Variants in XIRP2 observed in about 807,000 individuals in gnomAD.
XIRP2 encodes the protein xin actin binding repeat containing 2.
In XIRP2, 236 loss-of-function variants were observed where a neutral mutation model predicts 277.0. The observed-to-expected ratio is 0.85, with a 90% confidence interval of 0.77 to 0.95. The LOEUF (loss-of-function observed/expected upper bound fraction) is 0.95, where lower values mean the gene tolerates loss of function less well. XIRP2 is among the 40% of genes least tolerant of loss of function. The pLI is 0.00. For missense variants in XIRP2, 4,640 were observed against 4,157.5 expected (o/e 1.12, Z -3.19); for synonymous variants, 1,490 against 1,416.5 (o/e 1.05, Z -1.17).
At chr2:166,961,018 G>T (rs967961006) in intron 2 of XIRP2, among the ~76,000 whole-genome samples, 1 of 151,712 alleles carries the variant, frequency 6.6e-6, no homozygotes, top group Non-Finnish European at 1.5e-5. Context: ...AGCATAACAT[G>T]AATATGAAGA....
chr2:167,251,216 A>G lies in XIRP2; in HGVS notation c.9824A>G (p.Asp3275Gly), dbSNP rs200240974. Reference sequence around the variant, plus strand: ...AAGAGAGCTACTTATGTTCATAAAGATGGACTAAATTCCACTGATCACATG... The same window carrying G: ...AAGAGAGCTACTTATGTTCATAAAGGTGGACTAAATTCCACTGATCACATG... Reference protein sequence around the residue: ...VEKRATYVHKDGLNSTDHMVP... With the variant: ...VEKRATYVHKGGLNSTDHMVP... Residue 3275 changes from aspartate to glycine, a missense_variant, in exon 9 of 11, where the codon GAT (aspartate) becomes GGT (glycine). Physicochemically the swap from Asp to Gly is moderately conservative, Grantham distance 94. Coordinates refer to ENST00000409195, the MANE Select transcript of XIRP2 (RefSeq NM_152381.6). The G allele has an allele frequency of 5.8e-5, 94 of 1,613,488 alleles. No homozygotes were observed. Among genetic ancestry groups the G allele is most frequent in the Non-Finnish European group, 1.5e-5 (18 of 1,179,734 alleles).
chr2:166,975,622 A>G (rs569594418), intron 2 of XIRP2, among the ~76,000 whole-genome samples: 1 of 152,256 alleles, frequency 6.6e-6, no homozygotes, highest in African/African-American at 2.4e-5. Flanking sequence ...CATAGGTATA[A>G]ATATTTAAAA....
intron 3 of XIRP2, among the ~76,000 whole-genome samples, chr2:167,181,173 G>C (rs1290849062): frequency 6.6e-6 from 1 of 152,226 alleles, no homozygotes; most frequent in Admixed American, 6.5e-5. Context: ...TGGGGTAGGG[G>C]TGTAGCAGAG....
At chr2:166,895,947 G>A (rs1380622523) in intron 1 of XIRP2, among the ~76,000 whole-genome samples, 1 of 152,128 alleles carries the variant, frequency 6.6e-6, no homozygotes, top group East Asian at 1.9e-4. Context: ...ACAGAGGCTT[G>A]CCTTTTACAA....
chr2:166,996,834 A>T (rs1405454419), intron 2 of XIRP2, among the ~76,000 whole-genome samples: 1 of 152,004 alleles, frequency 6.6e-6, no homozygotes, highest in African/African-American at 2.4e-5. Context: ...TTAGGAACTC[A>T]CTCAATCTTC....
At chr2:167,164,313 GC>G (rs1460932949) in intron 3 of XIRP2, among the ~76,000 whole-genome samples, 1 of 151,634 alleles carries the variant, frequency 6.6e-6, no homozygotes, top group Non-Finnish European at 1.5e-5. Flanking sequence ...GGGCGTGTTA[GC>G]CGGCGCCTGT....
Position 166,895,242 on chromosome 2 carries a change from C to G in XIRP2, c.-19+6685C>G, listed in dbSNP as rs1558906530. ...TGCAAAACATTTTTATTAAAATGTC[C>G]ACATTGGTTGTATTATGCCCTGATG... On this transcript the variant is annotated intron_variant, in intron 1 of 10. Coordinates refer to ENST00000409195, the MANE Select transcript of XIRP2 (RefSeq NM_152381.6). 2.6e-5 allele frequency among the ~76,000 whole-genome samples: 4 copies of G among 152,102 alleles called. No individual in the cohort carries two copies. In the South Asian group the frequency reaches 8.3e-4, roughly 31 times the overall value.
chr2:167,104,999 T>C (rs1013784256), intron 2 of XIRP2, among the ~76,000 whole-genome samples: 1 of 152,052 alleles, frequency 6.6e-6, no homozygotes, highest in Non-Finnish European at 1.5e-5. Flanking sequence ...TCAGCTAATT[T>C]GATATATGAA....
chr2:167,199,199 T>C (rs1216727008), intron 3 of XIRP2, among the ~76,000 whole-genome samples: 1 of 152,120 alleles, frequency 6.6e-6, no homozygotes, highest in African/African-American at 2.4e-5. Context: ...AGAGAGGAAA[T>C]TCCTAAAACA....
intron 2 of XIRP2, among the ~76,000 whole-genome samples, chr2:167,004,072 A>T (rs562834874): frequency 2.0e-5 from 3 of 152,016 alleles, no homozygotes; most frequent in African/African-American, 7.2e-5. Flanking sequence ...CAAAGATTAT[A>T]TAAGAAAGAG....
At chr2:167,016,294 A>T (rs921295102) in intron 2 of XIRP2, among the ~76,000 whole-genome samples, 15 of 151,822 alleles carry the variant, frequency 9.9e-5, no homozygotes, top group Non-Finnish European at 4.4e-5. Flanking sequence ...AGTCAGTTTC[A>T]TTAGGTAAAG....
In XIRP2 at chr2:167,245,248, G is replaced by A. The variant is rs779191855; in HGVS notation, c.3856G>A (p.Glu1286Lys). Residue 1286 changes from glutamate to lysine, a missense_variant, in exon 9 of 11, where the codon GAG (glutamate) becomes AAG (lysine). By Grantham distance (56) the Glu-to-Lys change is moderately conservative. Coordinates refer to ENST00000409195, the MANE Select transcript of XIRP2 (RefSeq NM_152381.6). ...CFIFETFSLD[E>K]IKEESDYIST... The stretch of plus-strand genomic sequence containing the variant: ...TATTTTTGAGACTTTTTCTTTAGAT[G>A]AGATTAAAGAAGAATCTGACTATAT... 3.7e-6 allele frequency: 6 copies of A among 1,613,440 alleles called. No homozygotes were observed. Among genetic ancestry groups the A allele is most frequent in the Non-Finnish European group, 5.1e-6 (6 of 1,179,694 alleles).
Position 167,243,785 on chromosome 2 carries a change from A to C in XIRP2, c.2393A>C (p.Glu798Ala), listed in dbSNP as rs1246645161. 1.2e-6 allele frequency: 2 copies of C among 1,614,072 alleles called. No homozygotes were observed. Among genetic ancestry groups the C allele is most frequent in the Non-Finnish European group, 1.7e-6 (2 of 1,179,964 alleles). Residue 798 changes from glutamate to alanine, a missense_variant, in exon 9 of 11, where the codon GAA (glutamate) becomes GCA (alanine). Transcript: ENST00000409195. ...AAAGTTGTCCGAGGAATATCCATGG[A>C]AGAAAATGTCAAAGGTGGGGTGAGT... The part of the protein sequence containing the change: ...EIKVVRGISM[E>A]ENVKGGVSKA...
chr2:167,237,064 A>T (rs982483360), intron 5 of XIRP2, among the ~76,000 whole-genome samples: 2 of 152,170 alleles, frequency 1.3e-5, no homozygotes, highest in Non-Finnish European at 2.9e-5. Context: ...CTAACATACC[A>T]AACTAGTATG....
At chr2:167,178,475 T>A (rs138090035) in intron 3 of XIRP2, among the ~76,000 whole-genome samples, 321 of 152,282 alleles carry the variant, frequency 2.1e-3, no homozygotes, top group Non-Finnish European at 3.5e-3. Context: ...ACAAATTTCT[T>A]CCATTTTGTT....
Position 167,058,739 on chromosome 2 carries a change from G to T in XIRP2, c.409-77170G>T, listed in dbSNP as rs997642814. Among the ~76,000 whole-genome samples, 7 of 152,324 alleles carry T rather than the reference G, an allele frequency of 4.6e-5. No homozygotes were observed. In the East Asian group the frequency reaches 5.8e-4, roughly 13 times the overall value. On this transcript the variant is annotated intron_variant, in intron 2 of 10. Transcript: ENST00000409195. Reference sequence around the variant, plus strand: ...GTAATATGCTTCTGTTAGAATAATGGTTGCTAATACCCCATTGACGAAGGC... The same window carrying T: ...GTAATATGCTTCTGTTAGAATAATGTTTGCTAATACCCCATTGACGAAGGC...
chr2:167,076,974 G>A (rs895133860), intron 2 of XIRP2, among the ~76,000 whole-genome samples: 1 of 151,884 alleles, frequency 6.6e-6, no homozygotes, highest in Non-Finnish European at 1.5e-5. Flanking sequence ...CAGGTTACAG[G>A]CACATGCCCC....
At chr2:167,143,612 T>C (rs900869343) in intron 3 of XIRP2, among the ~76,000 whole-genome samples, 1 of 152,172 alleles carries the variant, frequency 6.6e-6, no homozygotes, top group Admixed American at 6.5e-5. Context: ...TTCTAAGCTA[T>C]GAGTGAAACA....
chr2:166,944,520 T>G (rs1018899105), intron 2 of XIRP2, among the ~76,000 whole-genome samples: 3 of 152,218 alleles, frequency 2.0e-5, no homozygotes, highest in African/African-American at 7.2e-5. Context: ...ATATTGGAAG[T>G]TAATATTCAT....
Sources: gnomAD v4.1 joint callset for allele counts (sites outside exome capture counted in the v4.1 genomes callset) on GRCh38, gnomAD v4.1.1 for gene constraint, MANE v1.5 for transcripts, NCBI Gene and HGNC (gene_info 2026-07-23, HGNC 2026-07-21) for gene names.